Variants in XPO5 observed in about 807,000 individuals in gnomAD.
XPO5 encodes the protein exportin-5.
XPO5 carries 46 observed loss-of-function variants against 160.6 expected under a neutral mutation model. The ratio of observed to expected loss-of-function variants is 0.29; its 90% CI spans 0.23 to 0.37. XPO5 has a LOEUF of 0.37. XPO5 is among the 10% of genes least tolerant of loss of function. The probability of loss-of-function intolerance (pLI) is 1.00; values close to 1 mark genes in which losing one functional copy is unlikely to be tolerated. For missense variants in XPO5, 1,090 were observed against 1,463.9 expected (o/e 0.74, Z 4.17); for synonymous variants, 537 against 519.3 (o/e 1.03, Z -0.46).
intron 27 of XPO5, 184 bp downstream of exon 27, chr6:43,526,501 G>GC: frequency 1.6e-6 from 1 of 627,720 alleles, no homozygotes. Context: ...AGAGGAAACA[G>GC]CAAGTGCAAA....
rs111692779 is a variant in XPO5 at position 43,530,990 on chromosome 6, A to G, written c.2541-166T>C. ...AGATACAGCATCTTTTTAAAGACAG[A>G]TGTTGGTGGCCGAGATCAGCAGTAG... On this transcript the variant is annotated intron_variant, in intron 22 of 31. Transcript: ENST00000265351. Among the ~76,000 whole-genome samples the G allele has an allele frequency of 2.9e-3, 442 of 152,366 alleles. 1 individual carries two copies. The highest frequency in any genetic ancestry group is 0.01 in the African/African-American group (421 of 41,588).
Position 43,551,421 on chromosome 6 carries a change from C to A in XPO5, c.1605G>T (p.Leu535Phe), listed in dbSNP as rs1234217092. 1 of 1,613,804 alleles carries A rather than the reference C, an allele frequency of 6.2e-7. No individual in the cohort carries two copies. Among genetic ancestry groups the A allele is most frequent in the East Asian group, 2.2e-5 (1 of 44,892 alleles). ...EIPVNDGIEL[L>F]QMVLNFDTKD... is the part of the protein sequence containing the mutation. ...TGGTATCAAAGTTCAGAACCATCTG[C>A]AATAGCTCTATTCCATCATTAACAG... Residue 535 changes from leucine (L) to phenylalanine (F), a missense_variant, in exon 15 of 32, where the codon TTG becomes TTT. Leu to Phe is a conservative substitution (Grantham distance 22, BLOSUM62 0). Transcript: ENST00000265351.
rs553173328 is a variant in XPO5, at chr6:43,568,705, T to G, written c.648+6A>C. On this transcript the variant is annotated splice_donor_region_variant and intron_variant, in intron 6 of 31. Transcript: ENST00000265351. The stretch of plus-strand genomic sequence containing the variant: ...GTCTCCTTCAAACTTTATAAAGAGC[T>G]CTTACCTTTGACTCCTGAGAAGTAT... 7 of 1,579,114 alleles carry G rather than the reference T, an allele frequency of 4.4e-6. No homozygotes were observed. In the South Asian group the frequency reaches 7.0e-5, roughly 16 times the overall value.
At chr6:43,524,226 C>T (rs1220847974) in intron 31 of XPO5, among the ~76,000 whole-genome samples, 3 of 152,064 alleles carry the variant, frequency 2.0e-5, no homozygotes, top group Non-Finnish European at 4.4e-5. Flanking sequence ...GTGGTGCATG[C>T]CTGTAATCCC....
intron 24 of XPO5, 78 bp downstream of exon 24, chr6:43,528,750 C>G: frequency 7.3e-7 from 1 of 1,369,230 alleles, no homozygotes; most frequent in Non-Finnish European, 1.0e-6. Context: ...CTTCTAGGAG[C>G]TCCTGACTTG....
intron 12 of XPO5, among the ~76,000 whole-genome samples, chr6:43,557,085 G>A (rs1041341142): frequency 7.1e-6 from 1 of 141,264 alleles, no homozygotes; most frequent in Non-Finnish European, 1.5e-5. Flanking sequence ...CCGAGAGTGT[G>A]TCATTGCACT....
chr6:43,571,200 T>G (rs1002254860), intron 3 of XPO5, among the ~76,000 whole-genome samples: 3 of 152,212 alleles, frequency 2.0e-5, no homozygotes, highest in African/African-American at 7.2e-5. Flanking sequence ...GAGGGTTGCA[T>G]CACCTAAAAG....
At chr6:43,526,468 G>A in intron 27 of XPO5, 1 of 583,440 alleles carries the variant, frequency 1.7e-6, no homozygotes, top group Non-Finnish European at 3.1e-6. Flanking sequence ...CACATATATG[G>A]TTGGGAGGAA....
chr6:43,525,192 A>C lies in XPO5; in HGVS notation c.3089T>G (p.Ile1030Ser). 6.3e-7 allele frequency: 1 copy of C among 1,580,550 alleles called. No individual in the cohort carries two copies. Among genetic ancestry groups the C allele is most frequent in the Non-Finnish European group, 8.6e-7 (1 of 1,162,406 alleles). Reference protein sequence around the residue: ...KHEDVCTALLITAFNSLAWKD... With the variant: ...KHEDVCTALLSTAFNSLAWKD... ...CCAGGCCAGGGAATTGAAGGCTGTAATTAATAGCGCTGTACAAACATCCTG... is the reference window on the plus strand; with the variant it reads ...CCAGGCCAGGGAATTGAAGGCTGTACTTAATAGCGCTGTACAAACATCCTG... The change falls in exon 29 of 32, where the codon ATT (isoleucine) becomes AGT (serine). Residue 1030 changes from isoleucine (I) to serine (S), a missense_variant. Ile to Ser is a moderately radical substitution (Grantham distance 142). Around this residue, in one of 3 missense-constraint regions of XPO5, gnomAD observed 810 missense variants for 1,139.0 expected, o/e 0.71. Transcript: ENST00000265351.
At chr6:43,554,430 T>C (rs1761919213) in intron 13 of XPO5, among the ~76,000 whole-genome samples, 1 of 150,924 alleles carries the variant, frequency 6.6e-6, no homozygotes, top group African/African-American at 2.4e-5. Flanking sequence ...TTCTTTTTTT[T>C]TTTTTTCTTT....
At chr6:43,565,769 A>G in intron 7 of XPO5, 33 bp from the exon 8 acceptor site, 4 of 1,512,212 alleles carry the variant, frequency 2.6e-6, no homozygotes, top group Non-Finnish European at 3.6e-6. Flanking sequence ...ATAGTCATAT[A>G]AACTATACTT....
chr6:43,570,552 T>C lies in XPO5; in HGVS notation c.571A>G (p.Ser191Gly), dbSNP rs756343490. The change falls in exon 5 of 32, where the codon AGT (serine) becomes GGT (glycine). Residue 191 changes from serine (S) to glycine (G), a missense_variant. This residue lies in a region of XPO5 where 110 missense variants were observed against 97.9 expected (regional missense o/e 1.12). Coordinates refer to ENST00000265351, the MANE Select transcript of XPO5 (RefSeq NM_020750.3). ...TCTTGAAGTGTGTTAAGCAGAAAAC[T>C]GAAGATCCTTTCCATGTTCTGGGTT... ...TLTQNMERIF[S>G]FLLNTLQENV... The C allele has an allele frequency of 2.5e-6, 4 of 1,613,642 alleles. No individual in the cohort carries two copies. In the African/African-American group the frequency reaches 4.0e-5, roughly 16 times the overall value.
At chr6:43,525,562 G>C in intron 28 of XPO5, 1 of 524,284 alleles carries the variant, frequency 1.9e-6, no homozygotes, top group Non-Finnish European at 3.4e-6. Context: ...GTAGGATGGA[G>C]ACAAAGCTCA....
chr6:43,523,722 G>T lies in XPO5; in HGVS notation c.*146C>A, dbSNP rs1049919518. On this transcript the variant is annotated 3_prime_UTR_variant, in exon 32 of 32. Transcript: ENST00000265351. ...TTACTTCTGGTCCTGCACAGGGCCT[G>T]TTCTCTCCAGCTCCAGACCTGGATC... 8 of 1,318,410 alleles carry T rather than the reference G, an allele frequency of 6.1e-6. No individual in the cohort carries two copies. In the Admixed American group the frequency reaches 8.4e-5, roughly 14 times the overall value. The allele number at this position is 1,318,410 out of a possible 1,614,324, so 81.7% of individuals were successfully genotyped here.
chr6:43,562,557 C>T (rs1762469012), intron 8 of XPO5: 1 of 514,258 alleles, frequency 1.9e-6, no homozygotes, highest in Admixed American at 3.3e-5. Flanking sequence ...TTCACACAAA[C>T]AGCAATTAAT....
intron 8 of XPO5, among the ~76,000 whole-genome samples, chr6:43,564,025 C>G (rs868605903): frequency 6.6e-6 from 1 of 152,072 alleles, no homozygotes; most frequent in Non-Finnish European, 1.5e-5. Context: ...CAGGTTCAAG[C>G]GATCTCCTGC....
rs1489597837 is a variant in XPO5, at chr6:43,561,045, A to C, written c.1012-38T>G. The C allele has an allele frequency of 2.6e-6, 4 of 1,520,080 alleles. No homozygotes were observed. The South Asian group carries it at 4.5e-5, about 17-fold the overall frequency. 94.2% of individuals were successfully genotyped at this position (1,520,080 alleles called of 1,614,324 possible). A position where few individuals can be genotyped will look rare whatever the true frequency, so the allele number is the denominator to read the frequency against. On this transcript the variant is annotated intron_variant, in intron 9 of 31. Transcript: ENST00000265351. Reference sequence around the variant, plus strand: ...ACCACTATATTAACGGTGTTGATCGAGAAAAGCAGGAGAGGAAAAAGCAGG... The same window carrying C: ...ACCACTATATTAACGGTGTTGATCGCGAAAAGCAGGAGAGGAAAAAGCAGG...
In XPO5 at chr6:43,560,242, C is replaced by T. The variant is rs61762965; in HGVS notation, c.1157G>A (p.Arg386His). ...TATTATTGCTAATAGCAAAGGATCA[C>T]GGGACAGGATTTCATGCCTGAAGAG... ...GALFRHEILS[R>H]DPLLLAIIPK... Residue 386 changes from arginine (R) to histidine (H), a missense_variant, in exon 11 of 32, where the codon CGT becomes CAT. This residue lies in a region of XPO5 where 810 missense variants were observed against 1,139.0 expected (regional missense o/e 0.71). Coordinates refer to ENST00000265351, the MANE Select transcript of XPO5 (RefSeq NM_020750.3). 259 of 1,611,978 alleles carry T rather than the reference C, an allele frequency of 1.6e-4. No individual in the cohort carries two copies. The African/African-American group carries it at 2.7e-3, about 17-fold the overall frequency.
At position 43,525,847 on chromosome 6, in the gene XPO5, T is replaced by C; in HGVS notation, c.3058A>G (p.Lys1020Glu). 6.2e-7 allele frequency: 1 copy of C among 1,614,028 alleles called. No homozygotes were observed. Among genetic ancestry groups the C allele is most frequent in the Non-Finnish European group, 8.5e-7 (1 of 1,179,890 alleles). ...ELTDLGKCLM[K>E]HEDVCTALLI... ...CTGCTCCTTCTACCCACCTCATGCT[T>C]CATCAGACATTTGCCCAGGTCTGTA... is the stretch of plus-strand genomic sequence containing the variant. The change falls in exon 28 of 32, where the codon AAG becomes GAG. Residue 1020 changes from lysine to glutamate, a missense_variant. Transcript: ENST00000265351.
Sources: allele counts gnomAD v4.1 joint callset (sites outside exome capture counted in the v4.1 genomes callset), GRCh38; gene constraint gnomAD v4.1.1; regional missense constraint gnomAD v4.1.1; transcripts MANE v1.5; gene names NCBI Gene and HGNC (gene_info 2026-07-23, HGNC 2026-07-21).